KDM4C: variants seen among roughly 807,000 people sequenced by gnomAD.
KDM4C encodes lysine-specific demethylase 4C.
In KDM4C, 81 loss-of-function variants were observed where a neutral mutation model predicts 129.3. That is an observed-to-expected ratio of 0.63 (90% CI 0.52 to 0.75). KDM4C has a LOEUF of 0.75. Ranked by LOEUF, KDM4C falls within the 30% of genes least tolerant of loss-of-function variation. The pLI, the probability that KDM4C is intolerant of heterozygous loss-of-function variation, is 0.00. For synonymous variants in KDM4C, 573 were observed against 456.1 expected, an observed-to-expected ratio of 1.26 and a Z score of -3.26; for missense variants, 1,457 against 1,304.0, an observed-to-expected ratio of 1.12 and a Z score of -1.81.
rs140193347 is a variant in KDM4C at position 6,738,267 on chromosome 9, A to G, written c.49+17270A>G. Reference sequence around the variant, plus strand: ...CGAGGCAGATGGATCAGCTGAGGTCAGGAGTTTGAGACTGGCCTGACCAAC... The same window carrying G: ...CGAGGCAGATGGATCAGCTGAGGTCGGGAGTTTGAGACTGGCCTGACCAAC... On this transcript the variant is annotated intron_variant, in intron 1 of 17. Transcript: ENST00000536108. Among the ~76,000 whole-genome samples, 1,445 of 152,256 alleles carry G rather than the reference A, an allele frequency of 9.5e-3. 21 individuals carry two copies. The highest frequency in any genetic ancestry group is 0.033 in the African/African-American group (1,373 of 41,548).
At chr9:6,988,257 G>A (rs970893046) in intron 11 of KDM4C, among the ~76,000 whole-genome samples, 10 of 151,724 alleles carry the variant, frequency 6.6e-5, no homozygotes, top group Non-Finnish European at 1.3e-4. Flanking sequence ...CTTTGGACAG[G>A]TGACTGAGTC....
chr9:7,153,588 G>A (rs1471852057), intron 19 of KDM4C, among the ~76,000 whole-genome samples: 1 of 152,160 alleles, frequency 6.6e-6, no homozygotes, highest in Non-Finnish European at 1.5e-5. Context: ...TTTGCATGGT[G>A]TGGGAAGTCC....
intron 1 of KDM4C, among the ~76,000 whole-genome samples, chr9:6,746,062 T>C (rs1817861268): frequency 6.6e-6 from 1 of 151,954 alleles, no homozygotes; most frequent in Non-Finnish European, 1.5e-5. Context: ...TGCCTCAGCC[T>C]CCCAAAGTGC....
At chr9:6,906,342 C>G (rs1818300890) in intron 8 of KDM4C, among the ~76,000 whole-genome samples, 1 of 152,160 alleles carries the variant, frequency 6.6e-6, no homozygotes, top group African/African-American at 2.4e-5. Flanking sequence ...GTAAACCTCT[C>G]CAGGCAACAC....
intron 17 of KDM4C, among the ~76,000 whole-genome samples, chr9:7,064,908 A>C (rs1215976598): frequency 6.6e-6 from 1 of 152,176 alleles, no homozygotes; most frequent in Non-Finnish European, 1.5e-5. Flanking sequence ...CCCCTTTTGA[A>C]GTATAATAAT....
rs1489216785 is a variant in KDM4C at position 7,128,188 on chromosome 9, G to C, written c.2733G>C (p.Met911Ile). 3 of 1,610,032 alleles carry C rather than the reference G, an allele frequency of 1.9e-6. No individual in the cohort carries two copies. Among genetic ancestry groups the C allele is most frequent in the Non-Finnish European group, 1.7e-6 (2 of 1,178,366 alleles). Residue 911 changes from methionine to isoleucine, a missense_variant, in exon 19 of 22, where the codon ATG (methionine) becomes ATC (isoleucine). Met to Ile is a conservative substitution (Grantham distance 10). Transcript: ENST00000381309. ...CATCGCAGACCTTCTATGAGGTCAT[G>C]TTTGATGATGGCTCCTTTAGCAGAG... ...AVTSQTFYEV[M>I]FDDGSFSRDT...
chr9:6,919,050 A>G (rs1462011205), intron 8 of KDM4C, among the ~76,000 whole-genome samples: 1 of 151,960 alleles, frequency 6.6e-6, no homozygotes, highest in African/African-American at 2.4e-5. Context: ...ATGGGGTTTC[A>G]CCATCTTGGC....
In KDM4C at chr9:6,990,620, C is replaced by G. The variant is rs1290026289; in HGVS notation, c.1786+96C>G. The G allele has an allele frequency of 8.1e-6, 6 of 743,990 alleles. No homozygotes were observed. In the East Asian group the frequency reaches 8.3e-5, roughly 10 times the overall value. The allele number at this position is 743,990 out of a possible 1,614,324, so 46.1% of individuals were successfully genotyped here. ...ATTGCTGAATAGAAAAAAAATTCAA[C>G]AAGTAGCAAATACGTACTATTAGGA... On this transcript the variant is annotated intron_variant, in intron 12 of 21. Coordinates refer to ENST00000381309, the MANE Select transcript of KDM4C (RefSeq NM_015061.6).
chr9:6,862,910 G>A (rs1052634480), intron 5 of KDM4C, among the ~76,000 whole-genome samples: 6 of 152,156 alleles, frequency 3.9e-5, no homozygotes, highest in African/African-American at 1.4e-4. Flanking sequence ...GTTCATTGTG[G>A]TGGAACTTTA....
At chr9:6,863,285 A>G (rs1316047552) in intron 5 of KDM4C, among the ~76,000 whole-genome samples, 1 of 151,984 alleles carries the variant, frequency 6.6e-6, no homozygotes, top group African/African-American at 2.4e-5. Context: ...GGGGCTTCAT[A>G]CTGGAGTTAT....
chr9:6,736,412 G>C (rs1817530197), intron 1 of KDM4C, among the ~76,000 whole-genome samples: 1 of 152,162 alleles, frequency 6.6e-6, no homozygotes, highest in South Asian at 2.1e-4. Context: ...GGAGGAAAAA[G>C]TGGTTCTGTG....
At chr9:6,756,407 T>C (rs1192918647), upstream of KDM4C, among the ~76,000 whole-genome samples, 1 of 152,184 alleles carries the variant, frequency 6.6e-6, no homozygotes, top group Non-Finnish European at 1.5e-5. Context: ...CAGTTGAGTA[T>C]ACGTTAGCCA....
chr9:6,858,850 CTTTTT>C (rs968152380), intron 5 of KDM4C, among the ~76,000 whole-genome samples: 1 of 142,892 alleles, frequency 7.0e-6, no homozygotes, highest in Non-Finnish European at 1.5e-5. Flanking sequence ...TTTGGTATCT[CTTTTT>C]TTTTTTGTTT....
chr9:7,124,531 T>C (rs1839836793), intron 18 of KDM4C, among the ~76,000 whole-genome samples: 1 of 152,190 alleles, frequency 6.6e-6, no homozygotes, highest in Non-Finnish European at 1.5e-5. Flanking sequence ...TCCACTCATA[T>C]TAATTACTAC....
exon 1 of KDM4C, chr9:6,720,939 A>G (rs1358215603): frequency 6.4e-7 from 1 of 1,551,464 alleles, no homozygotes; most frequent in Admixed American, 2.0e-5. Context: ...AAGAGGCTAA[A>G]GGATGTTTGA....
intron 5 of KDM4C, among the ~76,000 whole-genome samples, chr9:6,852,946 C>G (rs1839127549): frequency 6.6e-6 from 1 of 152,112 alleles, no homozygotes; most frequent in South Asian, 2.1e-4. Context: ...TGCCATCTCC[C>G]TCATTTTCCC....
At position 7,174,773 on chromosome 9, in the gene KDM4C, G is replaced by C. The variant is rs913589; in HGVS notation, c.*44G>C. On this transcript the variant is annotated 3_prime_UTR_variant, in exon 22 of 22. Coordinates refer to ENST00000381309, the MANE Select transcript of KDM4C (RefSeq NM_015061.6). ...GGCCACAGAGCAGCTTGGGTTGGAAGAGAGAAGATGAAGGGACATCCTTGG... is the reference window on the plus strand; with the variant it reads ...GGCCACAGAGCAGCTTGGGTTGGAACAGAGAAGATGAAGGGACATCCTTGG... 1 of 1,564,484 alleles carries C rather than the reference G, an allele frequency of 6.4e-7. No homozygotes were observed. The highest frequency in any genetic ancestry group is 2.2e-5 in the East Asian group (1 of 44,466).
At chr9:7,105,320 A>C (rs1422888909) in intron 18 of KDM4C, 5 of 409,490 alleles carry the variant, frequency 1.2e-5, no homozygotes, top group African/African-American at 1.0e-4. Flanking sequence ...CAGATTGTGC[A>C]ACCCTGTGCA....
At chr9:6,822,730 CACAAAG>C (rs1833241156) in intron 4 of KDM4C, among the ~76,000 whole-genome samples, 1 of 152,158 alleles carries the variant, frequency 6.6e-6, no homozygotes, top group African/African-American at 2.4e-5. Context: ...AAAACAAACA[CACAAAG>C]ATAAAGATAA....
Sources: gnomAD v4.1 joint callset for allele counts (sites outside exome capture counted in the v4.1 genomes callset) on GRCh38, gnomAD v4.1.1 for gene constraint, MANE v1.5 for transcripts, NCBI Gene and HGNC (gene_info 2026-07-23, HGNC 2026-07-21) for gene names.